Variants in CNTNAP2 observed in about 807,000 individuals in gnomAD.
The protein encoded by CNTNAP2 is contactin associated protein 2, also known as contactin-associated protein-like 2.
A neutral mutation model predicts 155.2 loss-of-function variants in CNTNAP2; 98 were observed. The observed-to-expected ratio is 0.63, with a 90% CI of 0.54 to 0.75. The LOEUF (loss-of-function observed/expected upper bound fraction) is 0.75, where lower values mean the gene tolerates loss of function less well. CNTNAP2 is among the 30% of genes least tolerant of loss of function. The pLI, the probability that CNTNAP2 is intolerant of heterozygous loss-of-function variation, is 0.00. For missense variants in CNTNAP2, 1,727 were observed against 1,688.1 expected (o/e 1.02, Z -0.40); for synonymous variants, 651 against 631.2 (o/e 1.03, Z -0.47).
At chr7:146,394,731 A>G (rs1366328863) in intron 1 of CNTNAP2, among the ~76,000 whole-genome samples, 1 of 152,138 alleles carries the variant, frequency 6.6e-6, no homozygotes, top group Non-Finnish European at 1.5e-5. Context: ...TTTCACACAA[A>G]TTTTATGATG....
chr7:146,550,111 A>C (rs960503530), intron 1 of CNTNAP2, among the ~76,000 whole-genome samples: 2 of 152,078 alleles, frequency 1.3e-5, no homozygotes, highest in Admixed American at 1.3e-4. Context: ...ACTTGGATTG[A>C]TTAAACTTAG....
chr7:147,270,227 A>T (rs1804712923), intron 8 of CNTNAP2, among the ~76,000 whole-genome samples: 1 of 152,186 alleles, frequency 6.6e-6, no homozygotes, highest in Non-Finnish European at 1.5e-5. Context: ...AGTACTGGCC[A>T]CAGGTGCCTA....
chr7:147,982,907 A>C (rs576422566), intron 15 of CNTNAP2, among the ~76,000 whole-genome samples: 98 of 151,298 alleles, frequency 6.5e-4, no homozygotes, highest in African/African-American at 2.4e-3. Context: ...AATCCCAGCT[A>C]CTCAGGAGGC....
At chr7:146,977,304 TGAA>T (rs1264597160) in intron 3 of CNTNAP2, among the ~76,000 whole-genome samples, 1 of 151,758 alleles carries the variant, frequency 6.6e-6, no homozygotes, top group African/African-American at 2.4e-5. Flanking sequence ...AGAATCAGAA[TGAA>T]GGAGACATAA....
At position 146,852,255 on chromosome 7, in the gene CNTNAP2, T is replaced by C. The variant is rs75451963; in HGVS notation, c.402+12351T>C. On this transcript the variant is annotated intron_variant, in intron 3 of 23. Coordinates refer to ENST00000361727, the MANE Select transcript of CNTNAP2 (RefSeq NM_014141.6). ...AGGGTGTTGATAGGGGTGTGTCTGGTAAGTAAGAATAAGGATGATCTTGTA... is the reference window on the plus strand; with the variant it reads ...AGGGTGTTGATAGGGGTGTGTCTGGCAAGTAAGAATAAGGATGATCTTGTA... Among the ~76,000 whole-genome samples, 94 of 152,234 alleles carry C rather than the reference T, an allele frequency of 6.2e-4. No homozygotes were observed. The East Asian group carries it at 0.017, about 28-fold the overall frequency.
At chr7:147,991,000 C>G (rs1316995472) in intron 15 of CNTNAP2, among the ~76,000 whole-genome samples, 1 of 152,130 alleles carries the variant, frequency 6.6e-6, no homozygotes, top group Non-Finnish European at 1.5e-5. Context: ...CTGAAACCAC[C>G]TAGGGGCCCA....
At chr7:146,454,998 C>T (rs1796534908) in intron 1 of CNTNAP2, among the ~76,000 whole-genome samples, 1 of 152,148 alleles carries the variant, frequency 6.6e-6, no homozygotes, top group Admixed American at 6.5e-5. Context: ...GCACACCTTC[C>T]TTTGTGCCCT....
chr7:146,684,843 A>G (rs1352331090), intron 1 of CNTNAP2, among the ~76,000 whole-genome samples: 2 of 152,138 alleles, frequency 1.3e-5, no homozygotes, highest in African/African-American at 2.4e-5. Flanking sequence ...TACTGTTTTC[A>G]TGAATGGTGC....
intron 4 of CNTNAP2, among the ~76,000 whole-genome samples, chr7:147,049,574 G>T (rs542610109): frequency 6.6e-6 from 1 of 152,188 alleles, no homozygotes; most frequent in South Asian, 2.1e-4. Context: ...CCCCATTTTG[G>T]CTTCCTAGAG....
intron 15 of CNTNAP2, among the ~76,000 whole-genome samples, chr7:148,061,878 T>TATAGATAG (rs199822052): frequency 0.047 from 5,288 of 112,016 alleles, 454 homozygotes; most frequent in African/African-American, 0.12. Context: ...GATAAACAGA[T>TATAGATAG]ATAGATAGAT....
chr7:147,652,737 G>A (rs754040965), intron 13 of CNTNAP2, among the ~76,000 whole-genome samples: 11 of 152,076 alleles, frequency 7.2e-5, no homozygotes, highest in East Asian at 1.9e-4. Flanking sequence ...GGGAAGAAAG[G>A]AAAGAGAAAG....
At chr7:146,865,849 T>G (rs775973640) in intron 3 of CNTNAP2, among the ~76,000 whole-genome samples, 8 of 152,120 alleles carry the variant, frequency 5.3e-5, no homozygotes, top group Non-Finnish European at 1.2e-4. Context: ...CTGGGAAAAT[T>G]CATTCACAAT....
At chr7:148,075,436 C>A (rs1425392098) in intron 15 of CNTNAP2, among the ~76,000 whole-genome samples, 172 of 140,718 alleles carry the variant, frequency 1.2e-3, no homozygotes, top group Middle Eastern at 3.6e-3. Flanking sequence ...AACTTAATCT[C>A]AAAAAAAAAA....
rs1195402018 is a variant in CNTNAP2 at position 148,383,893 on chromosome 7, A to G, written c.3715+5A>G. 1 of 1,612,882 alleles carries G rather than the reference A, an allele frequency of 6.2e-7. No individual in the cohort carries two copies. The highest frequency in any genetic ancestry group is 1.1e-5 in the South Asian group (1 of 90,838). ...ACCTGGATCACCTGGATTCAGGTAA[A>G]GTCTTCAGCAACCTCAGGCAGGTTG... On this transcript the variant is annotated splice_donor_5th_base_variant and intron_variant, in intron 22 of 23. Transcript: ENST00000361727.
At chr7:148,108,425 A>T (rs1804270712) in intron 15 of CNTNAP2, among the ~76,000 whole-genome samples, 1 of 151,816 alleles carries the variant, frequency 6.6e-6, no homozygotes, top group African/African-American at 2.4e-5. Context: ...GAAGCTAGTG[A>T]GGGAGCAGAG....
chr7:148,368,791 G>A (rs1025058502), intron 21 of CNTNAP2, among the ~76,000 whole-genome samples: 1 of 152,138 alleles, frequency 6.6e-6, no homozygotes, highest in African/African-American at 2.4e-5. Context: ...TGTGACAGGG[G>A]CTGCATGCAC....
Position 147,132,416 on chromosome 7 carries a change from T to C in CNTNAP2, c.1255T>C (p.Leu419=), listed in dbSNP as rs1801394799. Residue 419 remains leucine, a synonymous_variant, in exon 8 of 24, where the codon TTG becomes CTG. Coordinates refer to ENST00000361727, the MANE Select transcript of CNTNAP2 (RefSeq NM_014141.6). ...GGTCTTCAGTCACTTTGCGGATAAT[T>C]TGGGCAATGTGGAGATTGACCTCAC... ...LLVFSHFADN[L]GNVEIDLTES... 1.9e-6 allele frequency: 3 copies of C among 1,613,568 alleles called. No homozygotes were observed. Among genetic ancestry groups the C allele is most frequent in the Non-Finnish European group, 2.5e-6 (3 of 1,179,796 alleles).
chr7:146,162,184 C>G (rs961160150), intron 1 of CNTNAP2, among the ~76,000 whole-genome samples: 1 of 152,130 alleles, frequency 6.6e-6, no homozygotes, highest in Non-Finnish European at 1.5e-5. Flanking sequence ...AACTAAAGAG[C>G]TTCTGCACAG....
At chr7:146,476,574 A>G (rs1796880017) in intron 1 of CNTNAP2, among the ~76,000 whole-genome samples, 1 of 152,162 alleles carries the variant, frequency 6.6e-6, no homozygotes, top group South Asian at 2.1e-4. Context: ...TTGTACACAG[A>G]AAAATATTTG....
Sources: allele counts gnomAD v4.1 joint callset (sites outside exome capture counted in the v4.1 genomes callset), GRCh38; gene constraint gnomAD v4.1.1; transcripts MANE v1.5; gene names NCBI Gene and HGNC (gene_info 2026-07-23, HGNC 2026-07-21).